SLC5A9: variants seen among roughly 807,000 people sequenced by gnomAD.
The protein encoded by SLC5A9 is sodium/glucose cotransporter 4.
A neutral mutation model predicts 70.9 loss-of-function variants in SLC5A9; 59 were observed. That is an observed-to-expected ratio of 0.83 (90% CI 0.68 to 1.03). The LOEUF (loss-of-function observed/expected upper bound fraction) is 1.03, where lower values mean the gene tolerates loss of function less well. Among genes scored for constraint, SLC5A9 ranks in the 50% least tolerant of loss-of-function variants. SLC5A9 has a pLI of 0.00. For synonymous variants in SLC5A9, 340 were observed against 346.5 expected (o/e 0.98, Z 0.21); for missense variants, 832 against 881.1 (o/e 0.94, Z 0.71).
At position 48,229,432 on chromosome 1, in the gene SLC5A9, C is replaced by T; in HGVS notation, c.477C>T (p.Leu159=). 6.2e-7 allele frequency: 1 copy of T among 1,614,134 alleles called. No individual in the cohort carries two copies. The highest frequency in any genetic ancestry group is 1.7e-4 in the Middle Eastern group (1 of 6,060). The change falls in exon 4 of 14, where the codon CTC becomes CTT. Residue 159 remains leucine (L), a synonymous_variant. Coordinates refer to ENST00000438567, the MANE Select transcript of SLC5A9 (RefSeq NM_001011547.3). The part of the protein sequence containing the change: ...RIQVYMSVLS[L]ILYIFTKIST... ...AGGTGTACATGTCTGTCCTGTCTCTCATCCTCTACATCTTCACCAAGATCT... is the reference window on the plus strand; with the variant it reads ...AGGTGTACATGTCTGTCCTGTCTCTTATCCTCTACATCTTCACCAAGATCT...
chr1:48,245,790 A>G (rs1375024743), intron 13 of SLC5A9, among the ~76,000 whole-genome samples: 2 of 151,936 alleles, frequency 1.3e-5, no homozygotes, highest in Admixed American at 1.3e-4. Flanking sequence ...GCAAAACCCC[A>G]TATCTACAAA....
intron 3 of SLC5A9, 163 bp from the exon 4 acceptor site, chr1:48,229,132 A>G (rs1407772594): frequency 6.8e-6 from 11 of 1,613,824 alleles, no homozygotes; most frequent in Non-Finnish European, 9.3e-6. Context: ...GAGGAGACAG[A>G]GGGATCCATC....
At chr1:48,233,887 C>A (rs763574177) in intron 9 of SLC5A9, 125 bp downstream of exon 9, 14 of 707,416 alleles carry the variant, frequency 2.0e-5, no homozygotes, top group Non-Finnish European at 3.6e-5. Context: ...CTCTGCACCC[C>A]CATCCCAACA....
chr1:48,239,051 G>A lies in SLC5A9; in HGVS notation c.1462-271G>A, dbSNP rs1005403908. Among the ~76,000 whole-genome samples the A allele has an allele frequency of 6.6e-6, 1 of 152,178 alleles. No individual in the cohort carries two copies. The highest frequency in any genetic ancestry group is 2.4e-5 in the African/African-American group (1 of 41,434). The stretch of plus-strand genomic sequence containing the variant: ...ACTGCCCCCAATAAGAAAACTCTGA[G>A]TCAGCACGGCCGAGTCATTGGTTCA... On this transcript the variant is annotated intron_variant, in intron 11 of 13. Transcript: ENST00000438567. This position sits in a 1 kb window ranked among gnomAD's most constrained non-coding sequence, Gnocchi z 4.2.
chr1:48,223,730 T>C (rs971470325), intron 1 of SLC5A9, among the ~76,000 whole-genome samples: 1 of 152,136 alleles, frequency 6.6e-6, no homozygotes, highest in Non-Finnish European at 1.5e-5. Flanking sequence ...CTCAGTTTCC[T>C]CATCTATAAA....
rs1256364614 is a variant in SLC5A9, at chr1:48,239,289, C to G, written c.1462-33C>G. 5.3e-6 allele frequency: 8 copies of G among 1,517,466 alleles called. No individual in the cohort carries two copies. Among genetic ancestry groups the G allele is most frequent in the Non-Finnish European group, 7.2e-6 (8 of 1,105,538 alleles). The allele number at this position is 1,517,466 out of a possible 1,614,324, so 94.0% of individuals were successfully genotyped here. A position where few individuals can be genotyped will look rare whatever the true frequency, so the allele number is the denominator to read the frequency against. The stretch of plus-strand genomic sequence containing the variant: ...CCTTCCTAGGGTCTCCCACCTGGAT[C>G]TCACCTCAGCTCTTGTCTGCCCTCT... On this transcript the variant is annotated intron_variant, in intron 11 of 13. Transcript: ENST00000438567. This position sits in a 1 kb window ranked among gnomAD's most constrained non-coding sequence, Gnocchi z 4.2.
chr1:48,222,985 G>A, intron 1 of SLC5A9, 87 bp downstream of exon 1: 7 of 1,414,786 alleles, frequency 4.9e-6, no homozygotes, highest in African/African-American at 1.4e-5. Flanking sequence ...GGCAGGGCTA[G>A]GCAGAAAGAA....
At chr1:48,231,918 G>A (rs1644253216) in intron 6 of SLC5A9, 28 bp from the exon 7 acceptor site, 1 of 1,613,648 alleles carries the variant, frequency 6.2e-7, no homozygotes, top group East Asian at 2.2e-5. Flanking sequence ...GGGGTTTCAG[G>A]GCTGCTTCAC....
At chr1:48,241,943 G>C (rs143431692) in intron 12 of SLC5A9, 38 of 456,216 alleles carry the variant, frequency 8.3e-5, no homozygotes, top group African/African-American at 6.6e-4. Context: ...CATTTCCTCA[G>C]GTGCCCATTA....
At chr1:48,237,896 C>G in intron 11 of SLC5A9, 49 bp downstream of exon 11, 2 of 1,589,616 alleles carry the variant, frequency 1.3e-6, no homozygotes, top group Non-Finnish European at 1.7e-6. Flanking sequence ...GGCTGGAGAC[C>G]TGGTCTGTCA....
At chr1:48,224,938 T>A in intron 2 of SLC5A9, 143 bp downstream of exon 2, 1 of 826,556 alleles carries the variant, frequency 1.2e-6, no homozygotes, top group Non-Finnish European at 1.9e-6. Flanking sequence ...GGGCCCCTTC[T>A]CTCCCGCCCA....
At position 48,242,481 on chromosome 1, in the gene SLC5A9, C is replaced by T. The variant is rs138580488; in HGVS notation, c.1702C>T (p.Arg568Trp). Reference protein sequence around the residue: ...EQLTRLTWWTRNCPLSELEKE... With the variant: ...EQLTRLTWWTWNCPLSELEKE... ...GCTCACACGCCTCACATGGTGGACT[C>T]GGAACTGCCCCCTCTCTGAGCTGGA... Residue 568 changes from arginine (R) to tryptophan (W), a missense_variant, in exon 13 of 14, where the codon CGG (arginine) becomes TGG (tryptophan). Coordinates refer to ENST00000438567, the MANE Select transcript of SLC5A9 (RefSeq NM_001011547.3). The T allele has an allele frequency of 1.5e-5, 24 of 1,610,400 alleles. No individual in the cohort carries two copies. Among genetic ancestry groups the T allele is most frequent in the Non-Finnish European group, 1.8e-5 (21 of 1,177,764 alleles).
intron 2 of SLC5A9, among the ~76,000 whole-genome samples, chr1:48,226,811 G>A (rs1415090772): frequency 6.6e-6 from 1 of 152,202 alleles, no homozygotes; most frequent in Non-Finnish European, 1.5e-5. Flanking sequence ...GGGTGGAGGT[G>A]CCTCACTGCT....
chr1:48,225,690 A>G (rs918451431), intron 2 of SLC5A9, among the ~76,000 whole-genome samples: 8 of 151,978 alleles, frequency 5.3e-5, no homozygotes, highest in Admixed American at 5.2e-4. Context: ...GCACCCACAC[A>G]TGTTCATACA....
chr1:48,231,826 C>T (rs1372345839), intron 6 of SLC5A9, 120 bp from the exon 7 acceptor site: 1 of 1,540,912 alleles, frequency 6.5e-7, no homozygotes, highest in Non-Finnish European at 8.8e-7. Flanking sequence ...CATCTTCCTC[C>T]TTCACCCCCA....
At position 48,239,315 on chromosome 1, in the gene SLC5A9, C is replaced by G; in HGVS notation, c.1462-7C>G. The G allele has an allele frequency of 6.2e-7, 1 of 1,604,612 alleles. No homozygotes were observed. The highest frequency in any genetic ancestry group is 8.5e-7 in the Non-Finnish European group (1 of 1,173,848). ...TCACCTCAGCTCTTGTCTGCCCTCTCTCACAGGGAGCTTTCTGGGGCCTCG... is the reference window on the plus strand; with the variant it reads ...TCACCTCAGCTCTTGTCTGCCCTCTGTCACAGGGAGCTTTCTGGGGCCTCG... On this transcript the variant is annotated splice_region_variant and splice_polypyrimidine_tract_variant and intron_variant, in intron 11 of 13. Transcript: ENST00000438567. The surrounding 1 kb of genome is among the most constrained non-coding windows in gnomAD (Gnocchi z 4.2).
intron 13 of SLC5A9, among the ~76,000 whole-genome samples, chr1:48,247,071 GT>G (rs749620682): frequency 1.3e-5 from 2 of 152,184 alleles, no homozygotes; most frequent in African/African-American, 2.4e-5. Flanking sequence ...CTTGAAGAAA[GT>G]GGTGCTTCCA....
At chr1:48,245,687 C>T (rs1644453115) in intron 13 of SLC5A9, among the ~76,000 whole-genome samples, 1 of 152,198 alleles carries the variant, frequency 6.6e-6, no homozygotes, top group African/African-American at 2.4e-5. Flanking sequence ...AGGAGGCTGG[C>T]ACAGTGGCTC....
chr1:48,240,260 T>C (rs1382201585), intron 12 of SLC5A9: 1 of 152,270 alleles, frequency 6.6e-6, no homozygotes. Flanking sequence ...CTCCTCTTTG[T>C]CTTTACACGG....
Sources: gnomAD v4.1 joint callset for allele counts (sites outside exome capture counted in the v4.1 genomes callset) on GRCh38, gnomAD v4.1.1 for gene constraint, Gnocchi (gnomAD v3.1) non-coding constraint, MANE v1.5 for transcripts, NCBI Gene and HGNC (gene_info 2026-07-23, HGNC 2026-07-21) for gene names.